FOXM1: variants seen among roughly 807,000 people sequenced by gnomAD.
FOXM1 encodes forkhead box protein M1.
FOXM1 carries 25 observed loss-of-function variants against 63.6 expected under a neutral mutation model. The observed-to-expected ratio is 0.39, with a 90% confidence interval of 0.29 to 0.55. The LOEUF is 0.55. Ranked by LOEUF, FOXM1 falls within the 20% of genes least tolerant of loss-of-function variation. The pLI, the probability that FOXM1 is intolerant of heterozygous loss-of-function variation, is 0.60. For missense variants in FOXM1, 879 were observed against 958.7 expected (o/e 0.92, Z 1.10); for synonymous variants, 387 against 376.9 (o/e 1.03, Z -0.31).
chr12:2,866,480 G>C lies in FOXM1; in HGVS notation c.888C>G (p.Val296=). The C allele has an allele frequency of 1.3e-6, 2 of 1,575,106 alleles. No individual in the cohort carries two copies. Among genetic ancestry groups the C allele is most frequent in the Non-Finnish European group, 8.6e-7 (1 of 1,162,836 alleles). Residue 296 remains valine, a synonymous_variant, in exon 5 of 9, where the codon GTC becomes GTG. Coordinates refer to ENST00000359843, the MANE Select transcript of FOXM1 (RefSeq NM_021953.4). ...RHNLSLHDMF[V]RETSANGKVS... is the part of the protein sequence containing the mutation. ...CCTTGCCATTGGCAGACGTCTCCCG[G>C]ACAAACATGTCGTGCAGGGAAAGGT...
At chr12:2,865,232 C>T (rs953104238) in intron 6 of FOXM1, 123 bp downstream of exon 6, 4 of 881,582 alleles carry the variant, frequency 4.5e-6, no homozygotes, top group Non-Finnish European at 7.1e-6. Context: ...GGGCTGGCAC[C>T]TAGACAAAAC....
At position 2,858,697 on chromosome 12, in the gene FOXM1, C is replaced by T. The variant is rs754849672; in HGVS notation, c.2233G>A (p.Glu745Lys). Residue 745 changes from glutamate (E) to lysine (K), a missense_variant, in exon 9 of 9, where the codon GAG becomes AAG. Around this residue, in one of 4 missense-constraint regions of FOXM1, gnomAD observed 486 missense variants for 453.5 expected, o/e 1.07. Transcript: ENST00000359843. The part of the protein sequence containing the change: ...LLDISFPGLD[E>K]DPLGPDNINW... ...ATGTTGTCAGGGCCCAGTGGGTCCT[C>T]GTCCAGGCCAGGAAAGCTGATGTCC... is the stretch of plus-strand genomic sequence containing the variant. The T allele has an allele frequency of 3.7e-6, 6 of 1,614,128 alleles. No homozygotes were observed. Among genetic ancestry groups the T allele is most frequent in the Admixed American group, 1.7e-5 (1 of 60,012 alleles).
chr12:2,871,519 A>G (rs1365082071), intron 3 of FOXM1, among the ~76,000 whole-genome samples: 2 of 152,000 alleles, frequency 1.3e-5, no homozygotes, highest in East Asian at 3.9e-4. Flanking sequence ...GGTGGCATGC[A>G]CCAAGCTGGC....
At chr12:2,875,220 T>C (rs539102047) in intron 1 of FOXM1, among the ~76,000 whole-genome samples, 75 of 152,312 alleles carry the variant, frequency 4.9e-4, no homozygotes, top group Non-Finnish European at 9.4e-4. Context: ...CTCAAACTCC[T>C]GACCTCAGGT....
intron 1 of FOXM1, among the ~76,000 whole-genome samples, chr12:2,876,676 G>A (rs756216431): frequency 6.6e-5 from 10 of 152,162 alleles, no homozygotes; most frequent in East Asian, 5.8e-4. Context: ...CCGAGGCCGC[G>A]GGCAGGGTGC....
At chr12:2,873,244 C>A (rs1190067431) in intron 2 of FOXM1, among the ~76,000 whole-genome samples, 2 of 151,422 alleles carry the variant, frequency 1.3e-5, no homozygotes, top group Non-Finnish European at 2.9e-5. Flanking sequence ...CTAAAAAATA[C>A]CAAAATTAGC....
At chr12:2,861,772 G>T (rs144114806) in intron 8 of FOXM1, among the ~76,000 whole-genome samples, 1 of 152,338 alleles carries the variant, frequency 6.6e-6, no homozygotes, top group Middle Eastern at 3.4e-3. Context: ...AAGTGGAATG[G>T]CTGAAAAATC....
In FOXM1 at chr12:2,859,509, G is replaced by A. The variant is rs1444862763; in HGVS notation, c.1421C>T (p.Ala474Val). The A allele has an allele frequency of 5.0e-6, 8 of 1,613,768 alleles. No homozygotes were observed. Among genetic ancestry groups the A allele is most frequent in the Middle Eastern group, 1.6e-4 (1 of 6,084 alleles). Residue 474 changes from alanine to valine, a missense_variant, in exon 9 of 9, where the codon GCG (alanine) becomes GTG (valine). Ala to Val is a moderately conservative substitution (Grantham distance 64). This residue lies in a region of FOXM1 where 486 missense variants were observed against 453.5 expected (regional missense o/e 1.07). Coordinates refer to ENST00000359843, the MANE Select transcript of FOXM1 (RefSeq NM_021953.4). ...AGGGCTCTCCACTTTGATGGGTCTC[G>A]CTAAGTGTGGCATTTCCTCCCCAGG... Reference protein sequence around the residue: ...IQPGEEMPHLARPIKVESPPL... With the variant: ...IQPGEEMPHLVRPIKVESPPL...
rs140482241 is a variant in FOXM1 at position 2,864,683 on chromosome 12, G to T, written c.1090C>A (p.Arg364=). 5.6e-4 allele frequency: 909 copies of T among 1,613,990 alleles called. 10 individuals carry two copies. In the South Asian group the frequency reaches 7.2e-3, roughly 13 times the overall value. Residue 364 remains arginine, a splice_region_variant and synonymous_variant, in exon 7 of 9, where the codon CGG becomes AGG. Transcript: ENST00000359843. This position sits in a 1 kb window ranked among gnomAD's most constrained non-coding sequence, Gnocchi z 5.1. ...CCAAGGCCCACTCTCCCATACTAAC[G>T]TGCGCCCAGGGGGAGTTCGGTTTTG... ...TIKTELPLGA[R]RKMKPLLPRV...
At chr12:2,859,741 C>G (rs143411280) in intron 8 of FOXM1, 78 bp from the exon 9 acceptor site, 68 of 1,068,352 alleles carry the variant, frequency 6.4e-5, no homozygotes, top group Non-Finnish European at 8.2e-5. Context: ...GGGTTCTGAT[C>G]CTCTTTGTGT....
chr12:2,862,181 G>A (rs796235624), intron 8 of FOXM1, among the ~76,000 whole-genome samples: 3,092 of 102,210 alleles, frequency 0.03, 104 homozygotes, highest in African/African-American at 0.093. Flanking sequence ...TCCGTCTCAG[G>A]AAAAAAAAAA....
Position 2,857,816 on chromosome 12 carries a change from T to C in FOXM1, c.*822A>G. 1 of 152,368 alleles carries C rather than the reference T, an allele frequency of 6.6e-6. No homozygotes were observed. The allele number at this position is 152,368 out of a possible 1,614,324, so 9.4% of individuals were successfully genotyped here. ...GAAGCCAGGCAGGTCAGGGGCCCTT[T>C]CGGCCTTCTCAAGCCTCCACCTGAG... On this transcript the variant is annotated 3_prime_UTR_variant, in exon 9 of 9. Coordinates refer to ENST00000359843, the MANE Select transcript of FOXM1 (RefSeq NM_021953.4).
chr12:2,858,428 G>A lies in FOXM1; in HGVS notation c.*210C>T, dbSNP rs2098096219. On this transcript the variant is annotated 3_prime_UTR_variant, in exon 9 of 9. Transcript: ENST00000359843. The stretch of plus-strand genomic sequence containing the variant: ...TGTTCCCACCCTTCAGCTCCTGGCA[G>A]GGACAGCAGAGGAATCAGATACTCT... 1.9e-6 allele frequency: 1 copy of A among 540,216 alleles called. No individual in the cohort carries two copies. The highest frequency in any genetic ancestry group is 2.9e-5 in the East Asian group (1 of 34,386). The allele number at this position is 540,216 out of a possible 1,614,324, so 33.5% of individuals were successfully genotyped here.
chr12:2,864,815 G>T lies in FOXM1; in HGVS notation c.1021-63C>A. Reference sequence around the variant, plus strand: ...TAACACAATAAGGTAAAGAGGGGATGGCAAAACCCCACCAGCTGCTCTGGT... The same window carrying T: ...TAACACAATAAGGTAAAGAGGGGATTGCAAAACCCCACCAGCTGCTCTGGT... On this transcript the variant is annotated intron_variant, in intron 6 of 8. Transcript: ENST00000359843. The surrounding 1 kb of genome is among the most constrained non-coding windows in gnomAD (Gnocchi z 5.1). The T allele has an allele frequency of 5.2e-6, 8 of 1,548,960 alleles. No homozygotes were observed. The highest frequency in any genetic ancestry group is 1.7e-5 in the Admixed American group (1 of 59,924).
Position 2,872,334 on chromosome 12 carries a change from G to T in FOXM1, c.503-87C>A. 2 of 1,416,454 alleles carry T rather than the reference G, an allele frequency of 1.4e-6. No individual in the cohort carries two copies. Among genetic ancestry groups the T allele is most frequent in the Non-Finnish European group, 2.0e-6 (2 of 1,014,948 alleles). The allele number at this position is 1,416,454 out of a possible 1,614,324, so 87.7% of individuals were successfully genotyped here. A position where few individuals can be genotyped will look rare whatever the true frequency, so the allele number is the denominator to read the frequency against. Reference sequence around the variant, plus strand: ...TCAGAATTGGTGGCTAGCAGGCCGGGTGCAGTGGCTCACACCTGTAATCCT... The same window carrying T: ...TCAGAATTGGTGGCTAGCAGGCCGGTTGCAGTGGCTCACACCTGTAATCCT... On this transcript the variant is annotated intron_variant, in intron 2 of 8. Transcript: ENST00000359843. This position sits in a 1 kb window ranked among gnomAD's most constrained non-coding sequence, Gnocchi z 4.0.
rs1339002928 is a variant in FOXM1 at position 2,859,009 on chromosome 12, G to C, written c.1921C>G (p.Gln641Glu). The C allele has an allele frequency of 1.9e-6, 3 of 1,612,774 alleles. No individual in the cohort carries two copies. The highest frequency in any genetic ancestry group is 3.3e-4 in the Middle Eastern group (2 of 6,060). Residue 641 changes from glutamine (Q) to glutamate (E), a missense_variant, in exon 9 of 9, where the codon CAA (glutamine) becomes GAA (glutamate). By Grantham distance (29) the Gln-to-Glu change is conservative. Around this residue, in one of 4 missense-constraint regions of FOXM1, gnomAD observed 486 missense variants for 453.5 expected, o/e 1.07. Transcript: ENST00000359843. ...GGGTCAGAGGCACCCTGGGAGGTTTGTACTGGGCTGAAATCCAGTCCCCCT... is the reference window on the plus strand; with the variant it reads ...GGGTCAGAGGCACCCTGGGAGGTTTCTACTGGGCTGAAATCCAGTCCCCCT... ...KVGGLDFSPV[Q>E]TSQGASDPLP...
At chr12:2,865,231 C>T (rs1261340873) in intron 6 of FOXM1, 124 bp downstream of exon 6, 3 of 872,236 alleles carry the variant, frequency 3.4e-6, no homozygotes, top group East Asian at 2.5e-5. Flanking sequence ...AGGGCTGGCA[C>T]CTAGACAAAA....
At chr12:2,861,934 A>G (rs556074169) in intron 8 of FOXM1, among the ~76,000 whole-genome samples, 5 of 152,152 alleles carry the variant, frequency 3.3e-5, no homozygotes, top group African/African-American at 1.2e-4. Context: ...TAATCTCAAC[A>G]CTTTGGGAGG....
chr12:2,864,013 CTCTT>C lies in FOXM1; in HGVS notation c.1266+303_1266+306del. The C allele has an allele frequency of 7.7e-6, 2 of 259,680 alleles. No individual in the cohort carries two copies. The highest frequency in any genetic ancestry group is 1.4e-3 in the Middle Eastern group (1 of 724). The allele number at this position is 259,680 out of a possible 1,614,324, so 16.1% of individuals were successfully genotyped here. A position where few individuals can be genotyped will look rare whatever the true frequency, so the allele number is the denominator to read the frequency against. On this transcript the variant is annotated intron_variant, in intron 8 of 8. Coordinates refer to ENST00000359843, the MANE Select transcript of FOXM1 (RefSeq NM_021953.4). The surrounding 1 kb of genome is among the most constrained non-coding windows in gnomAD (Gnocchi z 5.1). ...AGCCACAGCGCCCGGCCAAATCCAT[CTCTT>C]TCTAAGGCCTGCCTCCCTTGTGTAT...
Sources: gnomAD v4.1 joint callset for allele counts (sites outside exome capture counted in the v4.1 genomes callset) on GRCh38, gnomAD v4.1.1 for gene constraint, gnomAD v4.1.1 regional missense constraint, Gnocchi (gnomAD v3.1) non-coding constraint, MANE v1.5 for transcripts, NCBI Gene and HGNC (gene_info 2026-07-23, HGNC 2026-07-21) for gene names.